FHOD1: variants seen among roughly 807,000 people sequenced by gnomAD.
FHOD1 encodes the protein formin homology 2 domain containing 1.
Under a neutral mutation model 111.6 loss-of-function variants are expected in FHOD1, and 89 were observed. The observed-to-expected ratio is 0.80, with a 90% CI of 0.67 to 0.95. The LOEUF is 0.95. FHOD1 is among the 40% of genes least tolerant of loss of function. The probability of loss-of-function intolerance (pLI) is 0.00; values close to 1 mark genes in which losing one functional copy is unlikely to be tolerated. For synonymous variants in FHOD1, 618 were observed against 639.0 expected (o/e 0.97, Z 0.50); for missense variants, 1,446 against 1,554.2 (o/e 0.93, Z 1.17).
rs763948852 is a variant in FHOD1, at chr16:67,237,556, C to T, written c.768G>A (p.Trp256Ter). Residue 256 changes from tryptophan to a stop codon, truncating the protein, a stop_gained, in exon 8 of 22, where the codon TGG becomes TGA. Coordinates refer to ENST00000258201, the MANE Select transcript of FHOD1 (RefSeq NM_013241.3). LOFTEE classifies it high-confidence loss of function. This position sits in a 1 kb window ranked among gnomAD's most constrained non-coding sequence, Gnocchi z 5.6. ...SVASTTGAPP[W>*]ANLVSILEEK... ...CCTCCAGGATGGACACCAGATTGGCCCAGGGAGGAGCACCTGCCACACAGA... is the reference window on the plus strand; with the variant it reads ...CCTCCAGGATGGACACCAGATTGGCTCAGGGAGGAGCACCTGCCACACAGA... 6.2e-7 allele frequency: 1 copy of T among 1,613,920 alleles called. No homozygotes were observed.
intron 11 of FHOD1, chr16:67,236,318 GCAA>G: frequency 7.6e-7 from 1 of 1,307,278 alleles, no homozygotes; most frequent in Non-Finnish European, 1.0e-6. Flanking sequence ...ATGACAAGAG[GCAA>G]AGACAGGCAG....
Position 67,230,515 on chromosome 16 carries a change from G to T in FHOD1, c.2859-9C>A. 6.2e-7 allele frequency: 1 copy of T among 1,614,198 alleles called. No individual in the cohort carries two copies. The highest frequency in any genetic ancestry group is 8.5e-7 in the Non-Finnish European group (1 of 1,179,984). On this transcript the variant is annotated splice_polypyrimidine_tract_variant and intron_variant, in intron 18 of 21. Transcript: ENST00000258201. The stretch of plus-strand genomic sequence containing the variant: ...GCAGGAAGGCATGGAACCTAGGCAG[G>T]TCAGAGTAGGGAGGGACAGTAAGTC...
At chr16:67,241,047 C>G (rs1475708197) in intron 1 of FHOD1, among the ~76,000 whole-genome samples, 1 of 151,826 alleles carries the variant, frequency 6.6e-6, no homozygotes, top group African/African-American at 2.4e-5. Flanking sequence ...GTTTAGCAAC[C>G]CTTGCGCCTG....
chr16:67,230,223 CTCTG>C lies in FHOD1; in HGVS notation c.3053_3056del (p.Thr1018ArgfsTer18). 2 of 1,613,924 alleles carry C rather than the reference CTCTG, an allele frequency of 1.2e-6. No individual in the cohort carries two copies. The highest frequency in any genetic ancestry group is 1.1e-5 in the South Asian group (1 of 91,082). On this transcript the variant is annotated frameshift_variant and splice_region_variant, in exon 20 of 22. Transcript: ENST00000258201. LOFTEE classifies it high-confidence loss of function. ...CTTCCCCAGCCACACCTGAGAACTTCTCTGTCTGGAGAAAGAAGAAGGGTGAGCT... is the reference window on the plus strand; with the variant it reads ...CTTCCCCAGCCACACCTGAGAACTTCTCTGGAGAAAGAAGAAGGGTGAGCT...
Position 67,234,356 on chromosome 16 carries a change from C to A in FHOD1, c.1435+1G>T, listed in dbSNP as rs778872929. 6.2e-7 allele frequency: 1 copy of A among 1,609,298 alleles called. No homozygotes were observed. The highest frequency in any genetic ancestry group is 1.3e-5 in the African/African-American group (1 of 74,890). ...CTCTGCCTGCTCACCCACCTACTCA[C>A]CTGGGTGTCCACCCGCCTCATTGGG... On this transcript the variant is annotated splice_donor_variant, in intron 12 of 21. Coordinates refer to ENST00000258201, the MANE Select transcript of FHOD1 (RefSeq NM_013241.3). LOFTEE classifies it high-confidence loss of function.
rs551708643 is a variant in FHOD1, at chr16:67,229,843, C to T, written c.3362G>A (p.Arg1121His). ...CTTGCGTTCCCTAGCAGCTAAGGCA[C>T]GAGGACTGCTCTTGGTCACTGACTG... ...LVQSVTKSSP[R>H]ALAARERKRS... The change falls in exon 21 of 22, where the codon CGT (arginine) becomes CAT (histidine). Residue 1121 changes from arginine to histidine, a missense_variant. Coordinates refer to ENST00000258201, the MANE Select transcript of FHOD1 (RefSeq NM_013241.3). The T allele has an allele frequency of 3.8e-5, 61 of 1,614,226 alleles. No homozygotes were observed. The highest frequency in any genetic ancestry group is 4.7e-5 in the Non-Finnish European group (56 of 1,180,036).
Position 67,233,712 on chromosome 16 carries a change from G to T in FHOD1, c.1991C>A (p.Thr664Lys). The T allele has an allele frequency of 6.2e-7, 1 of 1,611,516 alleles. No individual in the cohort carries two copies. Among genetic ancestry groups the T allele is most frequent in the Non-Finnish European group, 8.5e-7 (1 of 1,177,970 alleles). Residue 664 changes from threonine (T) to lysine (K), a missense_variant, in exon 13 of 22, where the codon ACG becomes AAG. Coordinates refer to ENST00000258201, the MANE Select transcript of FHOD1 (RefSeq NM_013241.3). ...CTCAAAGAGGTGTTCCAGTCGGGCC[G>T]TGTCCACTGAGACAGGGTCCAGTGA... Reference protein sequence around the residue: ...WASLDPVSVDTARLEHLFESR... With the variant: ...WASLDPVSVDKARLEHLFESR...
chr16:67,230,147 C>G lies in FHOD1; in HGVS notation c.3133G>C (p.Gly1045Arg), dbSNP rs2142258424. The G allele has an allele frequency of 3.7e-6, 6 of 1,614,232 alleles. No homozygotes were observed. Among genetic ancestry groups the G allele is most frequent in the Non-Finnish European group, 5.1e-6 (6 of 1,180,036 alleles). The change falls in exon 20 of 22, where the codon GGA (glycine) becomes CGA (arginine). Residue 1045 changes from glycine to arginine, a missense_variant. By Grantham distance (125) the Gly-to-Arg change is moderately radical. Coordinates refer to ENST00000258201, the MANE Select transcript of FHOD1 (RefSeq NM_013241.3). ...PVAVSSGPGR[G>R]DADSHASMKS... Reference sequence around the variant, plus strand: ...ATACTAGCATGACTGTCAGCATCTCCCCGGCCTGGCCCGCTGCTCACTGCT... The same window carrying G: ...ATACTAGCATGACTGTCAGCATCTCGCCGGCCTGGCCCGCTGCTCACTGCT...
chr16:67,233,058 ATTT>A (rs568630203), intron 13 of FHOD1, among the ~76,000 whole-genome samples: 1 of 145,608 alleles, frequency 6.9e-6, no homozygotes, highest in African/African-American at 2.5e-5. Context: ...TGCCCGGCTA[ATTT>A]TTTTTTTAAC....
At chr16:67,241,210 C>T (rs1007623919) in intron 1 of FHOD1, among the ~76,000 whole-genome samples, 5 of 151,494 alleles carry the variant, frequency 3.3e-5, no homozygotes, top group Non-Finnish European at 5.9e-5. Flanking sequence ...GCCTGCCCTC[C>T]CCAGGGTGCC....
At position 67,234,250 on chromosome 16, in the gene FHOD1, C is replaced by T; in HGVS notation, c.1453G>A (p.Asp485Asn). ...GCTGCAGGGGCTGTCTCTGGGGAGT[C>T]CCAGAGTTGCCGGGCATCTAAAGAA... The part of the protein sequence containing the change: ...GGHPDARQLW[D>N]SPETAPAART... Residue 485 changes from aspartate to asparagine, a missense_variant, in exon 13 of 22, where the codon GAC (aspartate) becomes AAC (asparagine). Transcript: ENST00000258201. 6.4e-7 allele frequency: 1 copy of T among 1,559,076 alleles called. No individual in the cohort carries two copies. The highest frequency in any genetic ancestry group is 8.7e-7 in the Non-Finnish European group (1 of 1,149,132).
At position 67,237,383 on chromosome 16, in the gene FHOD1, C is replaced by G; in HGVS notation, c.850-1G>C. ...CCTGGTCCGGGAGCGCCGCCAGCGTCTGGAGGGCGGGGATAAGAAGGCAAG... is the reference window on the plus strand; with the variant it reads ...CCTGGTCCGGGAGCGCCGCCAGCGTGTGGAGGGCGGGGATAAGAAGGCAAG... On this transcript the variant is annotated splice_acceptor_variant, in intron 8 of 21. Coordinates refer to ENST00000258201, the MANE Select transcript of FHOD1 (RefSeq NM_013241.3). LOFTEE classifies it high-confidence loss of function. The surrounding 1 kb of genome is among the most constrained non-coding windows in gnomAD (Gnocchi z 5.6). 1 of 1,613,874 alleles carries G rather than the reference C, an allele frequency of 6.2e-7. No individual in the cohort carries two copies. The highest frequency in any genetic ancestry group is 8.5e-7 in the Non-Finnish European group (1 of 1,179,770).
At chr16:67,234,805 A>G in intron 11 of FHOD1, 3 of 280,094 alleles carry the variant, frequency 1.1e-5, no homozygotes, top group Middle Eastern at 1.2e-3. Context: ...TCACTCTGTC[A>G]GTCACCCAGG....
At chr16:67,240,879 T>C (rs528020531) in intron 1 of FHOD1, among the ~76,000 whole-genome samples, 83 of 152,286 alleles carry the variant, frequency 5.5e-4, no homozygotes, top group African/African-American at 1.9e-3. Context: ...AGAGGCAGGG[T>C]GTCTTCTGGT....
chr16:67,231,654 A>G lies in FHOD1; in HGVS notation c.2368T>C (p.Tyr790His). The G allele has an allele frequency of 6.2e-7, 1 of 1,614,152 alleles. No homozygotes were observed. The highest frequency in any genetic ancestry group is 8.5e-7 in the Non-Finnish European group (1 of 1,180,018). Residue 790 changes from tyrosine (Y) to histidine (H), a missense_variant, in exon 15 of 22, where the codon TAT (tyrosine) becomes CAT (histidine). By Grantham distance (83) the Tyr-to-His change is moderately conservative. This residue lies in a region of FHOD1 where 1,085 missense variants were observed against 1,108.8 expected (regional missense o/e 0.98). Coordinates refer to ENST00000258201, the MANE Select transcript of FHOD1 (RefSeq NM_013241.3). This position sits in a 1 kb window ranked among gnomAD's most constrained non-coding sequence, Gnocchi z 4.3. ...CCAGGTACCCGCTCCATGCTGTCAT[A>G]GTCCAGCTTGAAGGCCCAGAGTTGT... is the stretch of plus-strand genomic sequence containing the variant. ...RLQLWAFKLD[Y>H]DSMEREIAEP...
At position 67,237,950 on chromosome 16, in the gene FHOD1, C is replaced by T. The variant is rs1187165294; in HGVS notation, c.642+84G>A. ...ACAGAGGCCTCAGACTCACTCCCTT[C>T]CAGCTCACTTTGCAGAACAGGAAAC... is the stretch of plus-strand genomic sequence containing the variant. On this transcript the variant is annotated intron_variant, in intron 6 of 21. Transcript: ENST00000258201. The surrounding 1 kb of genome is among the most constrained non-coding windows in gnomAD (Gnocchi z 5.6). 1.4e-6 allele frequency: 2 copies of T among 1,481,240 alleles called. No homozygotes were observed. Among genetic ancestry groups the T allele is most frequent in the Non-Finnish European group, 9.4e-7 (1 of 1,066,586 alleles). The allele number at this position is 1,481,240 out of a possible 1,614,324, so 91.8% of individuals were successfully genotyped here.
rs1490871818 is a variant in FHOD1, at chr16:67,237,221, G to C, written c.993+18C>G. On this transcript the variant is annotated intron_variant, in intron 9 of 21. Coordinates refer to ENST00000258201, the MANE Select transcript of FHOD1 (RefSeq NM_013241.3). The surrounding 1 kb of genome is among the most constrained non-coding windows in gnomAD (Gnocchi z 5.6). ...TTCCCTCTTTCCAATCCGCCTCAGA[G>C]CGTAAGGCCCGGCCCACCTCGTAGA... is the stretch of plus-strand genomic sequence containing the variant. The C allele has an allele frequency of 3.1e-6, 5 of 1,611,210 alleles. No homozygotes were observed. In the East Asian group the frequency reaches 8.9e-5, roughly 29 times the overall value.
rs2034520780 is a variant in FHOD1, at chr16:67,237,229, C to A, written c.993+10G>T. 6.2e-7 allele frequency: 1 copy of A among 1,612,138 alleles called. No individual in the cohort carries two copies. Among genetic ancestry groups the A allele is most frequent in the Non-Finnish European group, 8.5e-7 (1 of 1,178,876 alleles). ...TTCCAATCCGCCTCAGAGCGTAAGGCCCGGCCCACCTCGTAGAGCACAAGC... is the reference window on the plus strand; with the variant it reads ...TTCCAATCCGCCTCAGAGCGTAAGGACCGGCCCACCTCGTAGAGCACAAGC... On this transcript the variant is annotated intron_variant, in intron 9 of 21. Coordinates refer to ENST00000258201, the MANE Select transcript of FHOD1 (RefSeq NM_013241.3). This position sits in a 1 kb window ranked among gnomAD's most constrained non-coding sequence, Gnocchi z 5.6.
Position 67,243,839 on chromosome 16 carries a change from C to T in FHOD1, c.201+3371G>A, listed in dbSNP as rs182188108. 1.6e-4 allele frequency among the ~76,000 whole-genome samples: 25 copies of T among 152,330 alleles called. No homozygotes were observed. In the East Asian group the frequency reaches 4.8e-3, roughly 29 times the overall value. On this transcript the variant is annotated intron_variant, in intron 1 of 21. Transcript: ENST00000258201. Reference sequence around the variant, plus strand: ...ATGCAAGTTAGGATAATAGTATCTACCTCTGCCAGGACCTAGGTGTCAGGG... The same window carrying T: ...ATGCAAGTTAGGATAATAGTATCTATCTCTGCCAGGACCTAGGTGTCAGGG...
Sources: gnomAD v4.1 joint callset for allele counts (sites outside exome capture counted in the v4.1 genomes callset) on GRCh38, gnomAD v4.1.1 for gene constraint, gnomAD v4.1.1 regional missense constraint, Gnocchi (gnomAD v3.1) non-coding constraint, MANE v1.5 for transcripts, NCBI Gene and HGNC (gene_info 2026-07-23, HGNC 2026-07-21) for gene names.